The following STAG1 variants were observed in gnomAD, a reference collection of about 807,000 sequenced individuals.
STAG1 encodes cohesin subunit SA-1.
A neutral mutation model predicts 170.9 loss-of-function variants in STAG1; 26 were observed. The ratio of observed to expected loss-of-function variants is 0.15; its 90% CI spans 0.11 to 0.21. The LOEUF (loss-of-function observed/expected upper bound fraction) is 0.21. Among genes scored for constraint, STAG1 ranks in the 10% least tolerant of loss-of-function variants. The pLI, the probability that STAG1 is intolerant of heterozygous loss-of-function variation, is 1.00. For synonymous variants in STAG1, 514 were observed against 497.7 expected (o/e 1.03, Z -0.44); for missense variants, 964 against 1,509.5 (o/e 0.64, Z 5.99).
intron 29 of STAG1, among the ~76,000 whole-genome samples, chr3:136,345,330 C>G (rs1486750294): frequency 6.6e-6 from 1 of 152,112 alleles, no homozygotes; most frequent in African/African-American, 2.4e-5. Context: ...CTCAAGTGAG[C>G]AGCCCACCTC....
chr3:136,524,714 A>G (rs1934898833), intron 6 of STAG1, among the ~76,000 whole-genome samples: 1 of 148,080 alleles, frequency 6.8e-6, no homozygotes, highest in Admixed American at 6.7e-5. Context: ...CCCATTCAGT[A>G]TGATACTGGC....
At chr3:136,600,858 GT>G (rs1938632962) in intron 4 of STAG1, among the ~76,000 whole-genome samples, 1 of 102,396 alleles carries the variant, frequency 9.8e-6, no homozygotes, top group African/African-American at 4.2e-5. Flanking sequence ...TCTTGTTGTT[GT>G]TTGTTTGTTT....
At chr3:136,352,436 A>G (rs1289226786) in intron 28 of STAG1, among the ~76,000 whole-genome samples, 1 of 152,222 alleles carries the variant, frequency 6.6e-6, no homozygotes, top group South Asian at 2.1e-4. Context: ...CTGGGATTAT[A>G]GGTGTGAGCC....
chr3:136,555,660 G>A (rs1268029227), intron 5 of STAG1, among the ~76,000 whole-genome samples: 1 of 151,742 alleles, frequency 6.6e-6, no homozygotes, highest in Non-Finnish European at 1.5e-5. Flanking sequence ...CTCCAGCCTG[G>A]GCTACAGAGC....
chr3:136,646,255 T>C (rs59931907), intron 1 of STAG1, among the ~76,000 whole-genome samples: 57,117 of 152,018 alleles, frequency 0.38, 11,904 homozygotes, highest in African/African-American at 0.56. Flanking sequence ...TCCCAAAATG[T>C]TGGGATTACA....
At chr3:136,477,872 C>T (rs1417221421) in intron 9 of STAG1, among the ~76,000 whole-genome samples, 1 of 152,114 alleles carries the variant, frequency 6.6e-6, no homozygotes, top group Non-Finnish European at 1.5e-5. Context: ...CTGACTGCAA[C>T]CTCTGCCTCC....
At chr3:136,665,155 G>A (rs1480492744) in intron 1 of STAG1, among the ~76,000 whole-genome samples, 1 of 152,184 alleles carries the variant, frequency 6.6e-6, no homozygotes, top group Non-Finnish European at 1.5e-5. Context: ...CATCAATAAA[G>A]AGCATCACCC....
At chr3:136,521,860 A>C (rs759579389) in intron 6 of STAG1, among the ~76,000 whole-genome samples, 1 of 152,230 alleles carries the variant, frequency 6.6e-6, no homozygotes. Context: ...GAATTTCAAA[A>C]GTATAAGCAT....
At chr3:136,582,261 A>G (rs1365052840) in intron 4 of STAG1, among the ~76,000 whole-genome samples, 1 of 152,174 alleles carries the variant, frequency 6.6e-6, no homozygotes, top group Non-Finnish European at 1.5e-5. Context: ...AAAGGTACAT[A>G]GCCAATACCT....
At chr3:136,744,949 T>A (rs1294365342) in intron 1 of STAG1, among the ~76,000 whole-genome samples, 2 of 152,176 alleles carry the variant, frequency 1.3e-5, no homozygotes. Flanking sequence ...GTGCTAGGAT[T>A]ATAGGTGTGG....
chr3:136,737,922 G>T (rs1377735198), intron 1 of STAG1, among the ~76,000 whole-genome samples: 3 of 151,792 alleles, frequency 2.0e-5, no homozygotes. Context: ...ACAAAAATTA[G>T]CCGGGCATGG....
In STAG1 at chr3:136,336,817, C is replaced by T. The variant is rs1429766280; in HGVS notation, c.*1437G>A. ...GCACAAAAGATGATCACTGGGTGTG[C>T]AGAATTTTAAAAAATGTTTTTCGTA... On this transcript the variant is annotated 3_prime_UTR_variant, in exon 34 of 34. Transcript: ENST00000383202. The T allele has an allele frequency of 6.6e-6, 1 of 152,144 alleles. No homozygotes were observed. The highest frequency in any genetic ancestry group is 2.4e-5 in the African/African-American group (1 of 41,430). The allele number at this position is 152,144 out of a possible 1,614,324, so 9.4% of individuals were successfully genotyped here.
At chr3:136,690,056 C>CAAAAA (rs57082567) in intron 1 of STAG1, among the ~76,000 whole-genome samples, 126 of 55,952 alleles carry the variant, frequency 2.3e-3, no homozygotes, top group South Asian at 4.7e-3. Flanking sequence ...AAAAGCAAAC[C>CAAAAA]AAAAAAAAAA....
Position 136,340,619 on chromosome 3 carries a change from G to A in STAG1, c.3558-14C>T, listed in dbSNP as rs3821444. ...ATTAGACCCCGACTGGTAAGAAAAAGGTATTGTCAGAAAGCTCATCAGACT... is the reference window on the plus strand; with the variant it reads ...ATTAGACCCCGACTGGTAAGAAAAAAGTATTGTCAGAAAGCTCATCAGACT... On this transcript the variant is annotated splice_polypyrimidine_tract_variant and intron_variant, in intron 31 of 33. Coordinates refer to ENST00000383202, the MANE Select transcript of STAG1 (RefSeq NM_005862.3). 1.8e-3 allele frequency: 2,754 copies of A among 1,556,720 alleles called. 53 individuals are homozygous for A. In the East Asian group the frequency reaches 0.04, roughly 23 times the overall value.
At chr3:136,428,335 T>C (rs531511931) in intron 16 of STAG1, among the ~76,000 whole-genome samples, 2 of 152,292 alleles carry the variant, frequency 1.3e-5, no homozygotes, top group African/African-American at 4.8e-5. Flanking sequence ...CTTTTCTGGA[T>C]TGGTTTACAC....
intron 1 of STAG1, among the ~76,000 whole-genome samples, chr3:136,717,076 GTCTGT>G (rs757872578): frequency 4.6e-5 from 7 of 152,178 alleles, no homozygotes; most frequent in Non-Finnish European, 1.0e-4. Flanking sequence ...AATCGTTTTT[GTCTGT>G]TCTATTTCTC....
At chr3:136,630,238 C>T (rs1940278356) in intron 2 of STAG1, among the ~76,000 whole-genome samples, 1 of 152,072 alleles carries the variant, frequency 6.6e-6, no homozygotes, top group South Asian at 2.1e-4. Flanking sequence ...CTAAATCTGT[C>T]CTTAACTCCA....
rs967824823 is a variant in STAG1 at position 136,623,146 on chromosome 3, T to C, written c.132A>G (p.Pro44=). Residue 44 remains proline, a splice_region_variant and synonymous_variant, in exon 3 of 34, where the codon CCA becomes CCG. Transcript: ENST00000383202. ...CAAAGAAGACAAGCATAATACATACTGGAGGCCGGCCAGGACGACCCCTTT... is the reference window on the plus strand; with the variant it reads ...CAAAGAAGACAAGCATAATACATACCGGAGGCCGGCCAGGACGACCCCTTT... The part of the protein sequence containing the change: ...KRKRGRPGRP[P]STNKKPRKSP... 1.2e-6 allele frequency: 2 copies of C among 1,612,762 alleles called. No individual in the cohort carries two copies. Among genetic ancestry groups the C allele is most frequent in the Non-Finnish European group, 1.7e-6 (2 of 1,179,108 alleles).
chr3:136,427,154 G>A (rs1229303786), intron 16 of STAG1, among the ~76,000 whole-genome samples: 3 of 150,132 alleles, frequency 2.0e-5, no homozygotes, highest in African/African-American at 2.5e-5. Flanking sequence ...GCTTGAACCC[G>A]GGAGGCAGAT....
Sources: gnomAD v4.1 joint callset for allele counts (sites outside exome capture counted in the v4.1 genomes callset) on GRCh38, gnomAD v4.1.1 for gene constraint, MANE v1.5 for transcripts, NCBI Gene and HGNC (gene_info 2026-07-23, HGNC 2026-07-21) for gene names.